The following KCNIP1 variants were observed in gnomAD, a reference collection of about 807,000 sequenced individuals.
KCNIP1 encodes potassium voltage-gated channel interacting protein 1.
In KCNIP1, 18 loss-of-function variants were observed where a neutral mutation model predicts 33.0. That is an observed-to-expected ratio of 0.55 (90% CI 0.38 to 0.81). KCNIP1 has a LOEUF of 0.81. Ranked by LOEUF, KCNIP1 falls within the 30% of genes least tolerant of loss-of-function variation. The probability of loss-of-function intolerance (pLI) is 0.00; values close to 1 mark genes in which losing one functional copy is unlikely to be tolerated. For missense variants in KCNIP1, 238 were observed against 271.6 expected (o/e 0.88, Z 0.87); for synonymous variants, 93 against 98.3 (o/e 0.95, Z 0.32).
At chr5:170,623,503 C>T (rs1010273624) in intron 1 of KCNIP1, among the ~76,000 whole-genome samples, 4 of 152,134 alleles carry the variant, frequency 2.6e-5, no homozygotes, top group Non-Finnish European at 5.9e-5. Context: ...TGAGCCACCA[C>T]GACCTGCCCG....
At chr5:170,444,972 C>T (rs903222579) in intron 1 of KCNIP1, among the ~76,000 whole-genome samples, 2 of 152,208 alleles carry the variant, frequency 1.3e-5, no homozygotes, top group Non-Finnish European at 2.9e-5. Context: ...CACAAACCCT[C>T]GCTTTCCAAT....
intron 1 of KCNIP1, among the ~76,000 whole-genome samples, chr5:170,652,496 AAAAAGG>A (rs1394130819): frequency 1.0e-4 from 11 of 108,468 alleles, no homozygotes; most frequent in African/African-American, 4.4e-4. Flanking sequence ...AAAAAAAAAA[AAAAAGG>A]AAGGAAGGAA....
chr5:170,390,886 G>A (rs1754565028), intron 1 of KCNIP1, among the ~76,000 whole-genome samples: 1 of 152,220 alleles, frequency 6.6e-6, no homozygotes, highest in South Asian at 2.1e-4. Context: ...CTTCCCTGCT[G>A]AGCGAGCTCA....
chr5:170,734,951 C>T (rs1764329041), intron 7 of KCNIP1, among the ~76,000 whole-genome samples: 1 of 152,246 alleles, frequency 6.6e-6, no homozygotes, highest in African/African-American at 2.4e-5. Flanking sequence ...TCCTCTCCCA[C>T]CATGGGATCT....
chr5:170,683,724 GT>G lies in KCNIP1; in HGVS notation c.62-35021del, dbSNP rs772987083. ...ATCTTATTCCTATTTTATTTTTAAG[GT>G]TTTTTTTTTTTTCTTCGAGACTAAA... On this transcript the variant is annotated intron_variant, in intron 1 of 7. Coordinates refer to ENST00000328939, the MANE Select transcript of KCNIP1 (RefSeq NM_014592.4). 4.4e-3 allele frequency among the ~76,000 whole-genome samples: 632 copies of G among 144,718 alleles called. 2 individuals are homozygous for G. Among genetic ancestry groups the G allele is most frequent in the African/African-American group, 0.01 (416 of 39,736 alleles). 94.9% of individuals were successfully genotyped at this position (144,718 alleles called of 152,430 possible).
chr5:170,643,951 C>T (rs139137416), intron 1 of KCNIP1, among the ~76,000 whole-genome samples: 48 of 152,262 alleles, frequency 3.2e-4, no homozygotes, highest in African/African-American at 1.1e-3. Context: ...CCTGTTCTGT[C>T]ACTCACCAGT....
intron 1 of KCNIP1, among the ~76,000 whole-genome samples, chr5:170,417,501 A>G (rs947592850): frequency 2.6e-5 from 4 of 152,092 alleles, no homozygotes; most frequent in Admixed American, 6.5e-5. Context: ...CTCTCTGCCA[A>G]TGGGAGACGG....
chr5:170,529,573 G>C (rs964841943), intron 1 of KCNIP1, among the ~76,000 whole-genome samples: 3 of 152,162 alleles, frequency 2.0e-5, no homozygotes, highest in Non-Finnish European at 4.4e-5. Flanking sequence ...ATCACACTGA[G>C]GCACCACTTG....
chr5:170,462,967 G>T (rs938276153), intron 1 of KCNIP1, among the ~76,000 whole-genome samples: 1 of 152,106 alleles, frequency 6.6e-6, no homozygotes, highest in East Asian at 1.9e-4. Flanking sequence ...GGGGACTCAG[G>T]GGGAGAGGGT....
At chr5:170,454,005 G>A (rs1047344557) in intron 1 of KCNIP1, among the ~76,000 whole-genome samples, 1 of 152,206 alleles carries the variant, frequency 6.6e-6, no homozygotes, top group Non-Finnish European at 1.5e-5. Flanking sequence ...CAGCTGAACC[G>A]TGTCCATTCT....
At chr5:170,589,747 G>GGT (rs1215706106) in intron 1 of KCNIP1, among the ~76,000 whole-genome samples, 1 of 135,352 alleles carries the variant, frequency 7.4e-6, no homozygotes, top group East Asian at 2.2e-4. Context: ...GGTGTGGTGT[G>GGT]GTGTGGTGTG....
At chr5:170,363,863 C>T (rs1055876877) in intron 1 of KCNIP1, among the ~76,000 whole-genome samples, 2 of 152,114 alleles carry the variant, frequency 1.3e-5, no homozygotes, top group African/African-American at 4.8e-5. Context: ...CTAAACCCTT[C>T]CCCATTTCTG....
At chr5:170,502,123 C>G (rs1301730405), upstream of KCNIP1, among the ~76,000 whole-genome samples, 2 of 152,222 alleles carry the variant, frequency 1.3e-5, no homozygotes, top group African/African-American at 4.8e-5. Flanking sequence ...AGGCAAATTT[C>G]TAACACAAGG....
chr5:170,586,209 A>G (rs1757984021), intron 1 of KCNIP1, among the ~76,000 whole-genome samples: 1 of 152,212 alleles, frequency 6.6e-6, no homozygotes, highest in Admixed American at 6.5e-5. Flanking sequence ...TATTATGATC[A>G]TCGATTGCTC....
chr5:170,500,186 G>A (rs535104319), upstream of KCNIP1, among the ~76,000 whole-genome samples: 1 of 152,220 alleles, frequency 6.6e-6, no homozygotes, highest in African/African-American at 2.4e-5. Flanking sequence ...CTCCTTGTAA[G>A]GACACTAACT....
At chr5:170,653,686 T>C (rs1273154255) in intron 1 of KCNIP1, among the ~76,000 whole-genome samples, 2 of 151,620 alleles carry the variant, frequency 1.3e-5, no homozygotes, top group African/African-American at 4.9e-5. Context: ...TCTCCTTCTC[T>C]CTCTCTCTCT....
chr5:170,432,186 GA>G (rs1457050845), intron 1 of KCNIP1, among the ~76,000 whole-genome samples: 5 of 152,066 alleles, frequency 3.3e-5, no homozygotes, highest in Non-Finnish European at 5.9e-5. Flanking sequence ...AGGGGCTTCT[GA>G]TAAAGCCTGA....
intron 1 of KCNIP1, among the ~76,000 whole-genome samples, chr5:170,452,027 C>A (rs908664559): frequency 6.6e-6 from 1 of 152,076 alleles, no homozygotes; most frequent in Non-Finnish European, 1.5e-5. Context: ...CTGCTGATAT[C>A]ACTCCAATCC....
chr5:170,454,874 A>C (rs988270110), intron 1 of KCNIP1, among the ~76,000 whole-genome samples: 9 of 152,234 alleles, frequency 5.9e-5, no homozygotes, highest in African/African-American at 2.2e-4. Flanking sequence ...GAAGGTTAAA[A>C]AAATATTGTT....
Sources: gnomAD v4.1 joint callset for allele counts (sites outside exome capture counted in the v4.1 genomes callset) on GRCh38, gnomAD v4.1.1 for gene constraint, MANE v1.5 for transcripts, NCBI Gene and HGNC (gene_info 2026-07-23, HGNC 2026-07-21) for gene names.